The following SCRG1 variants were observed in gnomAD, a reference collection of about 807,000 sequenced individuals.
SCRG1 encodes scrapie-responsive protein 1.
Under a neutral mutation model 7.7 loss-of-function variants are expected in SCRG1, and 3 were observed. The ratio of observed to expected loss-of-function variants is 0.39; its 90% CI spans 0.18 to 1.01. The LOEUF (loss-of-function observed/expected upper bound fraction) is 1.01, where lower values mean the gene tolerates loss of function less well. Among genes scored for constraint, SCRG1 ranks in the 50% least tolerant of loss-of-function variants. The probability of loss-of-function intolerance (pLI) is 0.36; values close to 1 mark genes in which losing one functional copy is unlikely to be tolerated. For missense variants in SCRG1, 110 were observed against 117.2 expected, an observed-to-expected ratio of 0.94 and a Z score of 0.28; for synonymous variants, 46 against 41.2, an observed-to-expected ratio of 1.12 and a Z score of -0.44.
the SCRG1 span, among the ~76,000 whole-genome samples, chr4:173,461,364 CA>C: frequency 7.9e-5 from 12 of 152,206 alleles, no homozygotes; most frequent in Non-Finnish European, 1.3e-4. Flanking sequence ...TGGCTCAGAA[CA>C]GAGAGACTCT....
chr4:173,499,032 C>T, the SCRG1 span, among the ~76,000 whole-genome samples: 46 of 152,276 alleles, frequency 3.0e-4, no homozygotes, highest in African/African-American at 9.6e-4. This position sits in a 1 kb window ranked among gnomAD's most constrained non-coding sequence, Gnocchi z 4.1. Context: ...GAAAAGGCCG[C>T]GGGTTCTGGA....
the SCRG1 span, among the ~76,000 whole-genome samples, chr4:173,414,961 A>G: frequency 6.6e-6 from 1 of 152,244 alleles, no homozygotes; most frequent in Non-Finnish European, 1.5e-5. Context: ...TGTCTCCAGA[A>G]TAAGAGGGAA....
chr4:173,505,240 AGGCTCAACAGGGATGAGTGT>A, the SCRG1 span, among the ~76,000 whole-genome samples: 1 of 152,184 alleles, frequency 6.6e-6, no homozygotes, highest in Non-Finnish European at 1.5e-5. This position sits in a 1 kb window ranked among gnomAD's most constrained non-coding sequence, Gnocchi z 4.4. Flanking sequence ...GGGAAAGAGA[AGGCTCAACAGGGATGAGTGT>A]GGCTTTCAGG....
At chr4:173,497,331 C>T in the SCRG1 span, among the ~76,000 whole-genome samples, 1 of 152,140 alleles carries the variant, frequency 6.6e-6, no homozygotes, top group South Asian at 2.1e-4. Context: ...CACTGCCTAC[C>T]TATGGTCCCT....
chr4:173,516,016 G>A, the SCRG1 span, among the ~76,000 whole-genome samples: 1 of 152,090 alleles, frequency 6.6e-6, no homozygotes, highest in African/African-American at 2.4e-5. Context: ...AACCCAAGGG[G>A]CCCAACTGGG....
At chr4:173,460,879 G>C in the SCRG1 span, among the ~76,000 whole-genome samples, 1 of 152,194 alleles carries the variant, frequency 6.6e-6, no homozygotes, top group Non-Finnish European at 1.5e-5. Context: ...TTCACCACAA[G>C]CTGACTTAAG....
At chr4:173,391,854 G>A (rs1033566138) in intron 1 of SCRG1, among the ~76,000 whole-genome samples, 26 of 152,212 alleles carry the variant, frequency 1.7e-4, no homozygotes, top group African/African-American at 6.3e-4. Context: ...TGAGGCTGCA[G>A]TGAACCATGA....
chr4:173,442,114 C>G, the SCRG1 span, among the ~76,000 whole-genome samples: 20 of 152,196 alleles, frequency 1.3e-4, no homozygotes, highest in African/African-American at 4.8e-4. Context: ...AATTCCCTGA[C>G]AGCTGCACTC....
chr4:173,389,934 A>T (rs979591406), intron 2 of SCRG1: 3 of 323,936 alleles, frequency 9.3e-6, no homozygotes, highest in African/African-American at 6.4e-5. Context: ...AATATGAAAT[A>T]TCCAAGACCA....
the SCRG1 span, among the ~76,000 whole-genome samples, chr4:173,454,470 G>A: frequency 6.6e-6 from 1 of 152,084 alleles, no homozygotes; most frequent in Admixed American, 6.5e-5. Flanking sequence ...TTTTCCACAT[G>A]GGATATATAC....
chr4:173,435,572 T>G, the SCRG1 span, among the ~76,000 whole-genome samples: 1 of 152,192 alleles, frequency 6.6e-6, no homozygotes, highest in Non-Finnish European at 1.5e-5. Context: ...ACTTCAAAAC[T>G]GTCCACAGAG....
chr4:173,482,870 TA>T, the SCRG1 span, among the ~76,000 whole-genome samples: 7 of 142,048 alleles, frequency 4.9e-5, no homozygotes, highest in Admixed American at 7.6e-5. Context: ...ATTTCATATA[TA>T]TTTTTTATAT....
rs987327645 is a variant in SCRG1, at chr4:173,390,856, T to C, written c.242+317A>G. Among the ~76,000 whole-genome samples, 11 of 152,328 alleles carry C rather than the reference T, an allele frequency of 7.2e-5. No individual in the cohort carries two copies. In the East Asian group the frequency reaches 7.7e-4, roughly 11 times the overall value. On this transcript the variant is annotated intron_variant, in intron 2 of 2. Transcript: ENST00000296506. ...TTGGTTTAAGAGTTCAACCTTGAGA[T>C]TGACTTCTGCTACTGGTAGATTTTT... is the stretch of plus-strand genomic sequence containing the variant.
chr4:173,446,840 T>C, the SCRG1 span: 1 of 152,246 alleles, frequency 6.6e-6, no homozygotes, highest in South Asian at 2.1e-4. Context: ...TTAACAAGCC[T>C]CATTTTTTTC....
At chr4:173,450,195 T>C in the SCRG1 span, among the ~76,000 whole-genome samples, 2 of 152,162 alleles carry the variant, frequency 1.3e-5, no homozygotes, top group East Asian at 1.9e-4. Flanking sequence ...TTGCCACTTA[T>C]AAAACCATCA....
chr4:173,503,519 A>C, the SCRG1 span, among the ~76,000 whole-genome samples: 1 of 152,198 alleles, frequency 6.6e-6, no homozygotes, highest in African/African-American at 2.4e-5. The surrounding 1 kb of genome is among the most constrained non-coding windows in gnomAD (Gnocchi z 6.4). Flanking sequence ...CAGCTGGCCT[A>C]GGAAGCTACA....
chr4:173,453,161 C>T, the SCRG1 span, among the ~76,000 whole-genome samples: 1 of 152,230 alleles, frequency 6.6e-6, no homozygotes, highest in African/African-American at 2.4e-5. Context: ...AGGAGAGAAA[C>T]CTGGCACTTA....
At chr4:173,481,509 G>A in the SCRG1 span, among the ~76,000 whole-genome samples, 296 of 152,194 alleles carry the variant, frequency 1.9e-3, no homozygotes, top group African/African-American at 6.9e-3. Flanking sequence ...TTTGAACTGC[G>A]AGGGTCCGCT....
chr4:173,404,463 A>G (rs202048017), intron 1 of SCRG1: 1 of 152,222 alleles, frequency 6.6e-6, no homozygotes, highest in Non-Finnish European at 1.5e-5. Context: ...AGTTGCCAAA[A>G]TATCAGTCCT....
Sources: gnomAD v4.1 joint callset for allele counts (sites outside exome capture counted in the v4.1 genomes callset) on GRCh38, gnomAD v4.1.1 for gene constraint, Gnocchi (gnomAD v3.1) non-coding constraint, MANE v1.5 for transcripts, NCBI Gene and HGNC (gene_info 2026-07-23, HGNC 2026-07-21) for gene names.